Variants in SMYD3 observed in about 807,000 individuals in gnomAD.
SMYD3 encodes the protein SET and MYND domain containing 3.
A neutral mutation model predicts 57.7 loss-of-function variants in SMYD3; 36 were observed. The ratio of observed to expected loss-of-function variants is 0.62; its 90% CI spans 0.48 to 0.82. The LOEUF is 0.82. SMYD3 is among the 40% of genes least tolerant of loss of function. The probability of loss-of-function intolerance (pLI) is 0.00; values close to 1 mark genes in which losing one functional copy is unlikely to be tolerated. For missense variants in SMYD3, 515 were observed against 538.8 expected (o/e 0.96, Z 0.44); for synonymous variants, 211 against 195.0 (o/e 1.08, Z -0.68).
chr1:245,978,382 T>G lies in SMYD3; in HGVS notation c.532-48445A>C, dbSNP rs1175163329. Among the ~76,000 whole-genome samples the G allele has an allele frequency of 3.9e-5, 6 of 152,140 alleles. No homozygotes were observed. The East Asian group carries it at 1.2e-3, about 29-fold the overall frequency. On this transcript the variant is annotated intron_variant, in intron 5 of 11. Coordinates refer to ENST00000490107, the MANE Select transcript of SMYD3 (RefSeq NM_001167740.2). ...CAGTAGAAATTAACCACAATTGCAA[T>G]GAAGTAAAATTCAACTAAGAGTTCC...
intron 1 of SMYD3, among the ~76,000 whole-genome samples, chr1:246,435,989 A>G (rs1341601231): frequency 6.6e-6 from 1 of 152,178 alleles, no homozygotes; most frequent in Non-Finnish European, 1.5e-5. Flanking sequence ...TACTTCTCAC[A>G]TAGTTGTTAC....
At chr1:245,803,073 G>T (rs2047951965) in intron 10 of SMYD3, among the ~76,000 whole-genome samples, 1 of 152,206 alleles carries the variant, frequency 6.6e-6, no homozygotes, top group Non-Finnish European at 1.5e-5. Context: ...AAGCTCTACA[G>T]CTTCTAAAAA....
intron 5 of SMYD3, among the ~76,000 whole-genome samples, chr1:246,170,690 A>G (rs912317257): frequency 6.6e-6 from 1 of 152,166 alleles, no homozygotes; most frequent in Non-Finnish European, 1.5e-5. Context: ...GTCAAATGGC[A>G]TTTCACTATT....
chr1:246,265,251 G>A (rs2064083027), intron 5 of SMYD3, among the ~76,000 whole-genome samples: 1 of 152,024 alleles, frequency 6.6e-6, no homozygotes, highest in Non-Finnish European at 1.5e-5. Flanking sequence ...TCCCACCTCA[G>A]CCTCCCAAGT....
At chr1:246,459,396 T>G (rs4654260) in intron 1 of SMYD3, among the ~76,000 whole-genome samples, 3,049 of 151,792 alleles carry the variant, frequency 0.02, 33 homozygotes, top group South Asian at 0.035. Flanking sequence ...GCTGTTCTCC[T>G]GACAGAGTTC....
chr1:246,442,496 C>T (rs1256749664), intron 1 of SMYD3, among the ~76,000 whole-genome samples: 1 of 151,904 alleles, frequency 6.6e-6, no homozygotes, highest in South Asian at 2.1e-4. Context: ...CGCAATGAGC[C>T]AAGATCCCAC....
intron 1 of SMYD3, among the ~76,000 whole-genome samples, chr1:246,476,716 G>C (rs534402538): frequency 1.3e-5 from 2 of 152,218 alleles, no homozygotes; most frequent in African/African-American, 4.8e-5. Context: ...AACTTGATTT[G>C]TTCAATGTCC....
At chr1:245,965,416 C>T (rs1400948517) in intron 5 of SMYD3, among the ~76,000 whole-genome samples, 2 of 152,128 alleles carry the variant, frequency 1.3e-5, no homozygotes, top group Admixed American at 1.3e-4. Flanking sequence ...AATTAATATG[C>T]TAATAAAGGA....
At chr1:245,804,651 C>T (rs550860326) in intron 10 of SMYD3, among the ~76,000 whole-genome samples, 16 of 152,306 alleles carry the variant, frequency 1.1e-4, no homozygotes, top group African/African-American at 3.1e-4. Context: ...GGGCTCTGCT[C>T]TTATAAATGA....
At chr1:246,506,564 A>G (rs995844675) in intron 1 of SMYD3, among the ~76,000 whole-genome samples, 3 of 152,154 alleles carry the variant, frequency 2.0e-5, no homozygotes, top group Non-Finnish European at 4.4e-5. Context: ...TGCACCGTAG[A>G]CATCAAGATT....
intron 5 of SMYD3, chr1:246,178,768 G>T (rs2062478741): frequency 6.6e-6 from 1 of 151,984 alleles, no homozygotes; most frequent in South Asian, 2.1e-4. Context: ...CTAAGTGCCA[G>T]CCTGTAGCCA....
chr1:246,397,951 A>C, intron 1 of SMYD3, among the ~76,000 whole-genome samples: 1 of 144,924 alleles, frequency 6.9e-6, no homozygotes, highest in South Asian at 2.3e-4. Context: ...AGGAGAGGGG[A>C]GGGGAGGGGA....
At chr1:245,950,029 T>C (rs1223653596) in intron 5 of SMYD3, among the ~76,000 whole-genome samples, 3 of 151,954 alleles carry the variant, frequency 2.0e-5, no homozygotes, top group Non-Finnish European at 1.5e-5. Context: ...AATAAATAAA[T>C]GGAAGAAGCA....
intron 2 of SMYD3, among the ~76,000 whole-genome samples, chr1:246,343,060 T>C (rs1388265879): frequency 6.6e-6 from 1 of 152,240 alleles, no homozygotes; most frequent in Non-Finnish European, 1.5e-5. Flanking sequence ...ATTCATTTCA[T>C]GCTACATCAG....
chr1:246,120,749 C>T (rs2061412539), intron 5 of SMYD3, among the ~76,000 whole-genome samples: 1 of 152,136 alleles, frequency 6.6e-6, no homozygotes. Context: ...AAATCATCTC[C>T]AACCCAACCA....
Position 246,265,232 on chromosome 1 carries a change from C to A in SMYD3, c.531+61969G>T, listed in dbSNP as rs368131769. On this transcript the variant is annotated intron_variant, in intron 5 of 11. Transcript: ENST00000490107. ...CTCACTGTAACCTCAAACACCTGGG[C>A]TCAAGTGATCCCACCTCAGCCTCCC... Among the ~76,000 whole-genome samples, 21 of 152,208 alleles carry A rather than the reference C, an allele frequency of 1.4e-4. 1 individual carries two copies. The East Asian group carries it at 3.9e-3, about 28-fold the overall frequency.
At chr1:246,156,555 A>T (rs2062025798) in intron 5 of SMYD3, among the ~76,000 whole-genome samples, 1 of 152,236 alleles carries the variant, frequency 6.6e-6, no homozygotes, top group South Asian at 2.1e-4. Context: ...TTCAATAAAC[A>T]TTAAAAGCCT....
chr1:246,377,896 G>A (rs1416662426), intron 1 of SMYD3, among the ~76,000 whole-genome samples: 1 of 152,160 alleles, frequency 6.6e-6, no homozygotes, highest in South Asian at 2.1e-4. Flanking sequence ...GCCATATAAT[G>A]AGAGTTCCCC....
intron 5 of SMYD3, among the ~76,000 whole-genome samples, chr1:245,996,537 A>G (rs1244927709): frequency 6.6e-6 from 1 of 152,214 alleles, no homozygotes; most frequent in Admixed American, 6.5e-5. Flanking sequence ...CTATCAAGTT[A>G]CCTAATGCAT....
Sources: allele counts gnomAD v4.1 joint callset (sites outside exome capture counted in the v4.1 genomes callset), GRCh38; gene constraint gnomAD v4.1.1; transcripts MANE v1.5; gene names NCBI Gene and HGNC (gene_info 2026-07-23, HGNC 2026-07-21).